SDK2: variants seen among roughly 807,000 people sequenced by gnomAD.
SDK2 encodes the protein protein sidekick-2.
Under a neutral mutation model 253.9 loss-of-function variants are expected in SDK2, and 105 were observed. That is an observed-to-expected ratio of 0.41 (90% CI 0.35 to 0.49). The LOEUF is 0.49. Among genes scored for constraint, SDK2 ranks in the 20% least tolerant of loss-of-function variants. SDK2 has a pLI of 0.06. For missense variants in SDK2, 2,608 were observed against 3,003.0 expected, an observed-to-expected ratio of 0.87 and a Z score of 3.07; for synonymous variants, 1,249 against 1,234.9, an observed-to-expected ratio of 1.01 and a Z score of -0.24.
chr17:73,523,804 A>C (rs1017053428), intron 1 of SDK2, among the ~76,000 whole-genome samples: 1 of 149,994 alleles, frequency 6.7e-6, no homozygotes, highest in African/African-American at 2.5e-5. Context: ...CACTGCGCAG[A>C]GCCCCTTTCT....
At chr17:73,507,016 C>T (rs2063940968) in intron 2 of SDK2, among the ~76,000 whole-genome samples, 2 of 152,280 alleles carry the variant, frequency 1.3e-5, no homozygotes, top group Admixed American at 6.5e-5. Flanking sequence ...CCCTCCTTCA[C>T]TGATCCCAGG....
chr17:73,488,729 T>C (rs1222149596), intron 2 of SDK2, among the ~76,000 whole-genome samples: 3 of 152,200 alleles, frequency 2.0e-5, no homozygotes, highest in East Asian at 1.9e-4. Flanking sequence ...ATAAGTATTA[T>C]AGTAGTTATG....
chr17:73,589,898 A>G (rs1464255180), intron 1 of SDK2, among the ~76,000 whole-genome samples: 1 of 152,252 alleles, frequency 6.6e-6, no homozygotes, highest in African/African-American at 2.4e-5. Context: ...TCAGGTGAAC[A>G]GAGAAGGGAC....
intron 2 of SDK2, among the ~76,000 whole-genome samples, chr17:73,482,148 G>A (rs1316255888): frequency 2.6e-5 from 4 of 151,990 alleles, no homozygotes; most frequent in African/African-American, 4.8e-5. Flanking sequence ...GGTGGCGTGT[G>A]CCTGTAATCC....
rs538868108 is a variant in SDK2, at chr17:73,387,964, C to T, written c.4266G>A (p.Trp1422Ter). Residue 1422 changes from tryptophan to a stop codon, truncating the protein, a stop_gained, in exon 30 of 45, where the codon TGG becomes TGA. Coordinates refer to ENST00000392650, the MANE Select transcript of SDK2 (RefSeq NM_001144952.2). LOFTEE classifies it high-confidence loss of function. ...GGGAGAGCCCGTCGCTCCCTGGCTC[C>T]CAGGACAGCAGCACGCTGCGTGCTC... is the stretch of plus-strand genomic sequence containing the variant. ...DVRARSVLLSWEPGSDGLSPV... is the reference protein window; with the variant it reads ...DVRARSVLLS 6.4e-7 allele frequency: 1 copy of T among 1,574,318 alleles called. No individual in the cohort carries two copies. The highest frequency in any genetic ancestry group is 8.6e-7 in the Non-Finnish European group (1 of 1,160,752).
intron 36 of SDK2, among the ~76,000 whole-genome samples, chr17:73,372,819 T>G (rs2062747219): frequency 6.6e-6 from 1 of 152,198 alleles, no homozygotes; most frequent in South Asian, 2.1e-4. Flanking sequence ...TACAACATGG[T>G]GTTCTGATAT....
chr17:73,434,601 C>T (rs2063352953), intron 9 of SDK2, among the ~76,000 whole-genome samples: 1 of 152,214 alleles, frequency 6.6e-6, no homozygotes, highest in Non-Finnish European at 1.5e-5. Flanking sequence ...TTTGCATTTA[C>T]ACAGACCTTT....
At chr17:73,398,462 C>T (rs1231874654) in intron 22 of SDK2, 33 bp from the exon 23 acceptor site, 1 of 1,573,562 alleles carries the variant, frequency 6.4e-7, no homozygotes, top group Non-Finnish European at 8.7e-7. Context: ...GCCTGTCCAG[C>T]CTACAGGGCC....
intron 22 of SDK2, 113 bp from the exon 23 acceptor site, chr17:73,398,542 T>A (rs2062992134): frequency 1.2e-6 from 1 of 812,208 alleles, no homozygotes; most frequent in East Asian, 2.5e-5. Context: ...CCAGGGCTCA[T>A]CTGGAGGGCA....
At chr17:73,362,114 A>G (rs2062646633) in intron 38 of SDK2, among the ~76,000 whole-genome samples, 1 of 152,170 alleles carries the variant, frequency 6.6e-6, no homozygotes, top group African/African-American at 2.4e-5. Flanking sequence ...GTGTCTACTG[A>G]GTAGCCACAG....
chr17:73,423,307 A>G lies in SDK2; in HGVS notation c.1897+79T>C, dbSNP rs562957923. On this transcript the variant is annotated intron_variant, in intron 14 of 44. Coordinates refer to ENST00000392650, the MANE Select transcript of SDK2 (RefSeq NM_001144952.2). ...AAGGCCCAGAACTAGGAAGCAGGAGAGCTGGGACCCCAGCCCAGGGCTGAC... is the reference window on the plus strand; with the variant it reads ...AAGGCCCAGAACTAGGAAGCAGGAGGGCTGGGACCCCAGCCCAGGGCTGAC... 23 of 1,262,892 alleles carry G rather than the reference A, an allele frequency of 1.8e-5. No individual in the cohort carries two copies. In the African/African-American group the frequency reaches 3.4e-4, roughly 19 times the overall value. 78.2% of individuals were successfully genotyped at this position (1,262,892 alleles called of 1,614,324 possible).
chr17:73,429,497 C>A (rs181253101), intron 12 of SDK2, among the ~76,000 whole-genome samples: 37 of 152,290 alleles, frequency 2.4e-4, no homozygotes, highest in African/African-American at 7.9e-4. Flanking sequence ...CTTGTACCAA[C>A]CTGGGCTCCC....
chr17:73,576,532 G>C (rs909152393), intron 1 of SDK2, among the ~76,000 whole-genome samples: 1 of 152,220 alleles, frequency 6.6e-6, no homozygotes, highest in Admixed American at 6.5e-5. Context: ...GGACACAGGT[G>C]GAGTTCCATG....
chr17:73,501,014 A>G (rs2063886825), intron 2 of SDK2, among the ~76,000 whole-genome samples: 2 of 152,156 alleles, frequency 1.3e-5, no homozygotes, highest in Non-Finnish European at 2.9e-5. Context: ...TGTAAACTTA[A>G]GCTGAAAGGA....
chr17:73,375,579 C>G (rs920939206), intron 36 of SDK2, among the ~76,000 whole-genome samples: 3 of 151,276 alleles, frequency 2.0e-5, no homozygotes, highest in African/African-American at 7.3e-5. Context: ...CAAACCCTGG[C>G]TGGGCACAGT....
chr17:73,582,412 A>C (rs1343256394), intron 1 of SDK2, among the ~76,000 whole-genome samples: 2 of 152,238 alleles, frequency 1.3e-5, no homozygotes, highest in Admixed American at 6.5e-5. Flanking sequence ...GGGGGTACAC[A>C]CTGTGCAGGC....
intron 43 of SDK2, among the ~76,000 whole-genome samples, chr17:73,349,912 T>C (rs2062519377): frequency 6.6e-6 from 1 of 152,134 alleles, no homozygotes; most frequent in Non-Finnish European, 1.5e-5. Context: ...CGAACATCAG[T>C]AGGTTGGTTT....
Position 73,455,090 on chromosome 17 carries a change from C to T in SDK2, c.479+816G>A, listed in dbSNP as rs1001240592. Among the ~76,000 whole-genome samples, 2 of 152,116 alleles carry T rather than the reference C, an allele frequency of 1.3e-5. No individual in the cohort carries two copies. Among genetic ancestry groups the T allele is most frequent in the African/African-American group, 4.8e-5 (2 of 41,424 alleles). On this transcript the variant is annotated intron_variant, in intron 4 of 44. Transcript: ENST00000392650. The surrounding 1 kb of genome is among the most constrained non-coding windows in gnomAD (Gnocchi z 5.0). ...ATGCTCCCCAAAGGCAGGAACCATC[C>T]ATCTACGCCTCCACTCTCTACAGAG...
intron 1 of SDK2, among the ~76,000 whole-genome samples, chr17:73,538,458 C>T (rs577977895): frequency 2.6e-5 from 4 of 152,316 alleles, no homozygotes; most frequent in East Asian, 1.9e-4. Context: ...GCTGGGGCCT[C>T]GGAGCCCTAA....
Sources: gnomAD v4.1 joint callset for allele counts (sites outside exome capture counted in the v4.1 genomes callset) on GRCh38, gnomAD v4.1.1 for gene constraint, Gnocchi (gnomAD v3.1) non-coding constraint, MANE v1.5 for transcripts, NCBI Gene and HGNC (gene_info 2026-07-23, HGNC 2026-07-21) for gene names.